APP: variants seen among roughly 807,000 people sequenced by gnomAD.
APP encodes amyloid beta precursor protein.
A neutral mutation model predicts 101.4 loss-of-function variants in APP; 31 were observed. That is an observed-to-expected ratio of 0.31 (90% confidence interval 0.23 to 0.41). The LOEUF (loss-of-function observed/expected upper bound fraction) is 0.41. Ranked by LOEUF, APP falls within the 10% of genes least tolerant of loss-of-function variation. The probability of loss-of-function intolerance (pLI) is 1.00; values close to 1 mark genes in which losing one functional copy is unlikely to be tolerated. For synonymous variants in APP, 366 were observed against 364.4 expected, an observed-to-expected ratio of 1.00 and a Z score of -0.05; for missense variants, 839 against 1,003.7, an observed-to-expected ratio of 0.84 and a Z score of 2.22.
rs187699702 is a variant in APP at position 25,914,640 on chromosome 21, G to A, written c.1688-2678C>T. Among the ~76,000 whole-genome samples, 628 of 139,390 alleles carry A rather than the reference G, an allele frequency of 4.5e-3. 3 individuals are homozygous for A. Among genetic ancestry groups the A allele is most frequent in the Non-Finnish European group, 6.2e-3 (411 of 66,516 alleles). 91.4% of individuals were successfully genotyped at this position (139,390 alleles called of 152,430 possible). A position where few individuals can be genotyped will look rare whatever the true frequency, so the allele number is the denominator to read the frequency against. On this transcript the variant is annotated intron_variant, in intron 13 of 17. Coordinates refer to ENST00000346798, the MANE Select transcript of APP (RefSeq NM_000484.4). ...GCAATCTCGGCTCACTGCAAGCTCC[G>A]CCTCCCGGGTTGACGCCATTCTCCT...
chr21:26,152,788 C>A (rs1363093604), intron 1 of APP, among the ~76,000 whole-genome samples: 2 of 152,184 alleles, frequency 1.3e-5, no homozygotes, highest in Non-Finnish European at 2.9e-5. Flanking sequence ...AATCTTAATA[C>A]TGGGTATCTA....
chr21:26,053,202 A>G (rs910729197), intron 4 of APP, 34 bp downstream of exon 4: 5 of 1,483,002 alleles, frequency 3.4e-6, no homozygotes, highest in Non-Finnish European at 4.7e-6. Context: ...GGAAATCTTC[A>G]CTTTGCAATA....
chr21:26,134,579 A>T (rs2062857827), intron 1 of APP, among the ~76,000 whole-genome samples: 1 of 152,160 alleles, frequency 6.6e-6, no homozygotes, highest in South Asian at 2.1e-4. Flanking sequence ...CTGACATCCA[A>T]CCCTCCAGGA....
chr21:26,037,175 T>C (rs978872237), intron 5 of APP, among the ~76,000 whole-genome samples: 2 of 152,154 alleles, frequency 1.3e-5, no homozygotes, highest in South Asian at 2.1e-4. Context: ...GTTGATTTCA[T>C]AGACGTAAAG....
At position 25,944,275 on chromosome 21, in the gene APP, G is replaced by A. The variant is rs114987239; in HGVS notation, c.1687+10315C>T. Among the ~76,000 whole-genome samples the A allele has an allele frequency of 7.6e-3, 1,151 of 152,200 alleles. 17 individuals carry two copies. Among genetic ancestry groups the A allele is most frequent in the African/African-American group, 0.025 (1,057 of 41,524 alleles). On this transcript the variant is annotated intron_variant, in intron 13 of 17. Transcript: ENST00000346798. ...GCCCTGGCCTTGACCCTCTGACCCCGTTTCATGCTCGAAGTCCAAAGCCTC... is the reference window on the plus strand; with the variant it reads ...GCCCTGGCCTTGACCCTCTGACCCCATTTCATGCTCGAAGTCCAAAGCCTC...
intron 8 of APP, among the ~76,000 whole-genome samples, chr21:25,996,400 T>C (rs774857298): frequency 0.15 from 100 of 668 alleles, 1 homozygote; most frequent in Non-Finnish European, 0.15. Context: ...AATTAGTCCA[T>C]GTACTACAAT....
intron 3 of APP, among the ~76,000 whole-genome samples, chr21:26,057,165 A>G (rs1163849673): frequency 6.6e-6 from 1 of 152,236 alleles, no homozygotes; most frequent in Non-Finnish European, 1.5e-5. Context: ...ATGATCGTAT[A>G]TACCTGGAGT....
At chr21:26,114,865 T>C (rs1442668981) in intron 1 of APP, among the ~76,000 whole-genome samples, 1 of 152,232 alleles carries the variant, frequency 6.6e-6, no homozygotes, top group Non-Finnish European at 1.5e-5. Flanking sequence ...AATAAATTTA[T>C]TATGACCCTA....
In APP at chr21:25,897,642, C is replaced by T; in HGVS notation, c.1995G>A (p.Glu665=). The change falls in exon 16 of 18, where the codon GAG becomes GAA. Residue 665 remains glutamate (E), a synonymous_variant. Transcript: ENST00000346798. ...GSGLTNIKTE[E]ISEVKMDAEF... is the part of the protein sequence containing the mutation. ...CTGCATCCATCTTCACTTCAGAGAT[C>T]TCCTCCGTCTTGATATTTGTCAACC... 6.2e-7 allele frequency: 1 copy of T among 1,613,920 alleles called. No individual in the cohort carries two copies. Among genetic ancestry groups the T allele is most frequent in the Middle Eastern group, 1.6e-4 (1 of 6,062 alleles).
intron 14 of APP, among the ~76,000 whole-genome samples, chr21:25,911,386 A>C (rs1359313478): frequency 6.6e-6 from 1 of 152,202 alleles, no homozygotes. Flanking sequence ...CTAGAATGCA[A>C]ACCTGGACAT....
intron 1 of APP, among the ~76,000 whole-genome samples, chr21:26,153,648 A>C (rs1001683923): frequency 6.6e-6 from 1 of 152,152 alleles, no homozygotes; most frequent in Admixed American, 6.5e-5. Flanking sequence ...ACAAGCCATG[A>C]ATCCTCTAAG....
intron 3 of APP, among the ~76,000 whole-genome samples, chr21:26,065,402 C>T (rs1480380374): frequency 1.3e-5 from 2 of 152,180 alleles, no homozygotes; most frequent in Non-Finnish European, 2.9e-5. Context: ...CTATTAATAA[C>T]TAGACAGCGC....
intron 3 of APP, among the ~76,000 whole-genome samples, chr21:26,064,564 A>G (rs117440664): frequency 1.3e-4 from 20 of 151,760 alleles, no homozygotes; most frequent in South Asian, 8.3e-4. Flanking sequence ...ATAGGGTTTT[A>G]CTGGGGGCTT....
intron 6 of APP, among the ~76,000 whole-genome samples, chr21:26,013,950 G>GT (rs1373129496): frequency 6.6e-6 from 1 of 152,164 alleles, no homozygotes; most frequent in Non-Finnish European, 1.5e-5. Flanking sequence ...ATAACAGGCT[G>GT]TTACCTGTCA....
chr21:26,050,354 T>G, intron 5 of APP, among the ~76,000 whole-genome samples: 1 of 152,140 alleles, frequency 6.6e-6, no homozygotes, highest in East Asian at 1.9e-4. Context: ...AGATTCTCAT[T>G]TTATAATTTT....
intron 3 of APP, among the ~76,000 whole-genome samples, chr21:26,070,198 A>T (rs1243141676): frequency 6.6e-6 from 1 of 152,218 alleles, no homozygotes; most frequent in East Asian, 1.9e-4. Flanking sequence ...CAAAAATCAC[A>T]CAATCTGTTC....
chr21:26,016,955 G>A (rs972498180), intron 6 of APP, among the ~76,000 whole-genome samples: 1 of 133,030 alleles, frequency 7.5e-6, no homozygotes. Context: ...GGGGGGCGGG[G>A]GGTGCCGCCA....
chr21:26,007,104 A>G (rs986881638), intron 6 of APP, among the ~76,000 whole-genome samples: 1 of 151,960 alleles, frequency 6.6e-6, no homozygotes, highest in African/African-American at 2.4e-5. Context: ...TATTTTCTCC[A>G]TACTCTACAA....
chr21:26,108,625 C>T (rs1293504919), intron 2 of APP, among the ~76,000 whole-genome samples: 7 of 152,182 alleles, frequency 4.6e-5, no homozygotes, highest in African/African-American at 9.7e-5. Flanking sequence ...GGGTGGCTCA[C>T]GCCTGTAATC....
Sources: gnomAD v4.1 joint callset for allele counts (sites outside exome capture counted in the v4.1 genomes callset) on GRCh38, gnomAD v4.1.1 for gene constraint, MANE v1.5 for transcripts, NCBI Gene and HGNC (gene_info 2026-07-23, HGNC 2026-07-21) for gene names.